Variants in FANCA observed in about 807,000 individuals in gnomAD.
FANCA encodes the protein Fanconi anemia group A protein.
FANCA carries 236 observed loss-of-function variants against 194.3 expected under a neutral mutation model. The ratio of observed to expected loss-of-function variants is 1.21; its 90% CI spans 1.09 to 1.35. The LOEUF is 1.35. FANCA is among the 40% of genes most tolerant of loss of function. FANCA has a pLI of 0.00. For synonymous variants in FANCA, 1,014 were observed against 715.8 expected, an observed-to-expected ratio of 1.42 and a Z score of -6.65; for missense variants, 2,628 against 1,813.9, an observed-to-expected ratio of 1.45 and a Z score of -8.15.
At chr16:89,806,037 A>T (rs6500455) in intron 6 of FANCA, among the ~76,000 whole-genome samples, 1 of 151,868 alleles carries the variant, frequency 6.6e-6, no homozygotes, top group Non-Finnish European at 1.5e-5. Flanking sequence ...CTCAGCCTCC[A>T]CAACGGCTGG....
rs35776247 is a variant in FANCA, at chr16:89,803,226, C to T, written c.792+33G>A. 157 of 1,597,758 alleles carry T rather than the reference C, an allele frequency of 9.8e-5. No homozygotes were observed. In the African/African-American group the frequency reaches 1.3e-3, roughly 13 times the overall value. On this transcript the variant is annotated intron_variant, in intron 8 of 42. Coordinates refer to ENST00000389301, the MANE Select transcript of FANCA (RefSeq NM_000135.4). ...ACACTTGGAATAAGGACGGCTCCTT[C>T]CGCTAAACTCTTCACTTGACTTTTC...
chr16:89,805,264 C>G lies in FANCA; in HGVS notation c.709+16G>C. ...ATGAGTTTTACCCAAGAACCCGCATCTTGTCATGAACGCACCAGAAAGCAT... is the reference window on the plus strand; with the variant it reads ...ATGAGTTTTACCCAAGAACCCGCATGTTGTCATGAACGCACCAGAAAGCAT... On this transcript the variant is annotated intron_variant, in intron 7 of 42. Coordinates refer to ENST00000389301, the MANE Select transcript of FANCA (RefSeq NM_000135.4). 6.2e-7 allele frequency: 1 copy of G among 1,601,460 alleles called. No individual in the cohort carries two copies. Among genetic ancestry groups the G allele is most frequent in the Non-Finnish European group, 8.6e-7 (1 of 1,168,792 alleles).
intron 6 of FANCA, among the ~76,000 whole-genome samples, chr16:89,806,343 CATT>C (rs981928946): frequency 8.7e-6 from 1 of 115,166 alleles, no homozygotes; most frequent in Non-Finnish European, 1.7e-5. Flanking sequence ...ACTTCTATAT[CATT>C]CTTTTTTTTT....
intron 10 of FANCA, chr16:89,798,399 C>A: frequency 9.4e-7 from 1 of 1,059,070 alleles, no homozygotes. Context: ...AGTAAAAGTA[C>A]CGAACGGTAC....
chr16:89,739,880 G>T, intron 39 of FANCA, 114 bp downstream of exon 39: 1 of 1,558,374 alleles, frequency 6.4e-7, no homozygotes. Flanking sequence ...CTAAAATGGA[G>T]CTTATAAACT....
Position 89,746,569 on chromosome 16 carries a change from A to G in FANCA, c.3513+15T>C. 6.2e-7 allele frequency: 1 copy of G among 1,610,352 alleles called. No homozygotes were observed. ...CATCCCCAAAACAAAACACCAAACAAGACAGCTGACCCACCAGAGCAGAGG... is the reference window on the plus strand; with the variant it reads ...CATCCCCAAAACAAAACACCAAACAGGACAGCTGACCCACCAGAGCAGAGG... On this transcript the variant is annotated intron_variant, in intron 35 of 42. Transcript: ENST00000389301.
intron 8 of FANCA, among the ~76,000 whole-genome samples, chr16:89,801,769 T>C (rs1269440770): frequency 1.3e-5 from 2 of 151,874 alleles, no homozygotes; most frequent in African/African-American, 2.4e-5. Context: ...ATGCCTGTAA[T>C]CCCAGCTATT....
At chr16:89,790,752 A>T (rs914648739) in intron 14 of FANCA, among the ~76,000 whole-genome samples, 2 of 151,110 alleles carry the variant, frequency 1.3e-5, no homozygotes, top group Non-Finnish European at 3.0e-5. Flanking sequence ...AAAAAAAAAA[A>T]GGGAAAATAA....
chr16:89,764,297 C>A (rs1364586105), intron 28 of FANCA, among the ~76,000 whole-genome samples: 2 of 152,132 alleles, frequency 1.3e-5, no homozygotes, highest in Non-Finnish European at 2.9e-5. Context: ...AGCAGGGTTT[C>A]TCTGTATTTA....
intron 6 of FANCA, among the ~76,000 whole-genome samples, chr16:89,806,260 T>C (rs2040638805): frequency 1.3e-5 from 2 of 152,014 alleles, no homozygotes; most frequent in South Asian, 4.1e-4. Flanking sequence ...CATTTGGACT[T>C]ACGAATACAC....
At chr16:89,766,034 T>C (rs2039115582) in intron 27 of FANCA, among the ~76,000 whole-genome samples, 3 of 151,906 alleles carry the variant, frequency 2.0e-5, no homozygotes, top group Admixed American at 2.0e-4. Flanking sequence ...TCTCGCTCTG[T>C]TGCCCAGGCT....
intron 30 of FANCA, 113 bp downstream of exon 30, chr16:89,758,464 A>G: frequency 7.6e-7 from 1 of 1,322,268 alleles, no homozygotes; most frequent in East Asian, 2.4e-5. Context: ...TGGGAAAGGC[A>G]GACCCACCCT....
At chr16:89,760,302 C>T (rs749352585) in intron 29 of FANCA, among the ~76,000 whole-genome samples, 2 of 152,212 alleles carry the variant, frequency 1.3e-5, no homozygotes, top group African/African-American at 2.4e-5. Flanking sequence ...CGTGTTTTGC[C>T]GCAGGCAGCA....
chr16:89,739,697 C>A, intron 39 of FANCA, 144 bp from the exon 40 acceptor site: 2 of 1,512,854 alleles, frequency 1.3e-6, no homozygotes, highest in Non-Finnish European at 1.8e-6. Context: ...GCTGAGGATA[C>A]CCAGGTACCT....
Position 89,760,029 on chromosome 16 carries a change from C to T in FANCA, c.2853-1324G>A, listed in dbSNP as rs954449473. Among the ~76,000 whole-genome samples, 3 of 152,216 alleles carry T rather than the reference C, an allele frequency of 2.0e-5. No homozygotes were observed. The East Asian group carries it at 5.8e-4, about 29-fold the overall frequency. Reference sequence around the variant, plus strand: ...ACCCACGCTGTCCGGAACTGGGGTGCTCCACCCACACTGTCTGGAACTGGC... The same window carrying T: ...ACCCACGCTGTCCGGAACTGGGGTGTTCCACCCACACTGTCTGGAACTGGC... On this transcript the variant is annotated intron_variant, in intron 29 of 42. Coordinates refer to ENST00000389301, the MANE Select transcript of FANCA (RefSeq NM_000135.4).
chr16:89,771,681 G>A lies in FANCA; in HGVS notation c.2148C>T (p.His716=), dbSNP rs921606854. The change falls in exon 23 of 43, where the codon CAC becomes CAT. Residue 716 remains histidine (H), a synonymous_variant. Coordinates refer to ENST00000389301, the MANE Select transcript of FANCA (RefSeq NM_000135.4). The part of the protein sequence containing the change: ...INTPRLEPRE[H]MAVDLLLTSF... ...TGTTCTGAGCCCCTACACCTACCAT[G>A]TGTTCCCGTGGCTCCAGTCTCGGCG... 3 of 1,613,980 alleles carry A rather than the reference G, an allele frequency of 1.9e-6. No homozygotes were observed. Among genetic ancestry groups the A allele is most frequent in the Non-Finnish European group, 2.5e-6 (3 of 1,180,020 alleles).
At chr16:89,756,558 G>GAGGCTGCAGT (rs1168008354) in intron 30 of FANCA, among the ~76,000 whole-genome samples, 1 of 152,194 alleles carries the variant, frequency 6.6e-6, no homozygotes, top group African/African-American at 2.4e-5. Flanking sequence ...CCAGGAGGTC[G>GAGGCTGCAGT]AGGCTGCAGT....
chr16:89,803,919 C>A (rs578257929), intron 7 of FANCA, among the ~76,000 whole-genome samples: 19 of 151,984 alleles, frequency 1.3e-4, no homozygotes, highest in African/African-American at 4.6e-4. Flanking sequence ...CCACCCAGCC[C>A]AATTTTTTTC....
chr16:89,790,141 C>T (rs1208109694), intron 14 of FANCA, among the ~76,000 whole-genome samples: 1 of 152,202 alleles, frequency 6.6e-6, no homozygotes, highest in African/African-American at 2.4e-5. Flanking sequence ...GTGGCTCATG[C>T]CTGTAATCCC....
Sources: allele counts gnomAD v4.1 joint callset (sites outside exome capture counted in the v4.1 genomes callset), GRCh38; gene constraint gnomAD v4.1.1; transcripts MANE v1.5; gene names NCBI Gene and HGNC (gene_info 2026-07-23, HGNC 2026-07-21).